The following DLC1 variants were observed in gnomAD, a reference collection of about 807,000 sequenced individuals.
DLC1 encodes DLC1 Rho GTPase activating protein, also known as rho GTPase-activating protein 7.
A neutral mutation model predicts 140.3 loss-of-function variants in DLC1; 54 were observed. That is an observed-to-expected ratio of 0.38 (90% CI 0.31 to 0.48). The LOEUF is 0.48. DLC1 is among the 20% of genes least tolerant of loss of function. The pLI is 0.96. For synonymous variants in DLC1, 986 were observed against 728.1 expected, an observed-to-expected ratio of 1.35 and a Z score of -5.70; for missense variants, 2,536 against 1,907.0, an observed-to-expected ratio of 1.33 and a Z score of -6.14.
intron 4 of DLC1, among the ~76,000 whole-genome samples, chr8:13,372,337 A>C (rs778223842): frequency 1.3e-5 from 2 of 152,194 alleles, no homozygotes; most frequent in Non-Finnish European, 2.9e-5. Context: ...TATAGAGAGA[A>C]TTGCAATCAA....
chr8:13,471,921 GGA>G (rs1800227366), intron 2 of DLC1, among the ~76,000 whole-genome samples: 1 of 152,186 alleles, frequency 6.6e-6, no homozygotes, highest in East Asian at 1.9e-4. Context: ...GAGCAGCCAT[GGA>G]GCTCTCCCAC....
At chr8:13,243,931 G>C (rs1018522841) in intron 5 of DLC1, among the ~76,000 whole-genome samples, 2 of 152,122 alleles carry the variant, frequency 1.3e-5, no homozygotes, top group African/African-American at 4.8e-5. Flanking sequence ...CTGGGGTTGT[G>C]TATCTGTGGA....
intron 5 of DLC1, among the ~76,000 whole-genome samples, chr8:13,239,424 G>A (rs1008296136): frequency 6.6e-6 from 1 of 152,098 alleles, no homozygotes; most frequent in South Asian, 2.1e-4. Context: ...CAAGGACCAG[G>A]CAGGTAGGCA....
chr8:13,261,069 A>G (rs990975353), intron 5 of DLC1, among the ~76,000 whole-genome samples: 1 of 152,378 alleles, frequency 6.6e-6, no homozygotes, highest in African/African-American at 2.4e-5. Context: ...GAATATGAAG[A>G]TGCACAATTA....
At chr8:13,474,805 C>A (rs898190507) in intron 2 of DLC1, among the ~76,000 whole-genome samples, 1 of 152,206 alleles carries the variant, frequency 6.6e-6, no homozygotes, top group Non-Finnish European at 1.5e-5. Flanking sequence ...TGGCCAATTT[C>A]TCCCATTTGG....
At chr8:13,540,830 A>C (rs939444138) in intron 1 of DLC1, among the ~76,000 whole-genome samples, 1 of 152,218 alleles carries the variant, frequency 6.6e-6, no homozygotes, top group Non-Finnish European at 1.5e-5. Context: ...CAGGATGGAC[A>C]TGGGTCACAG....
intron 5 of DLC1, among the ~76,000 whole-genome samples, chr8:13,140,993 G>A (rs1429502626): frequency 1.3e-5 from 2 of 152,070 alleles, no homozygotes; most frequent in East Asian, 1.9e-4. Context: ...GGTGGCTCAC[G>A]CCTGTAATCC....
chr8:13,240,990 G>C (rs1829521775), intron 5 of DLC1, among the ~76,000 whole-genome samples: 1 of 152,152 alleles, frequency 6.6e-6, no homozygotes, highest in African/African-American at 2.4e-5. Flanking sequence ...CCAAAGAAGG[G>C]GTTGAGAGAG....
chr8:13,567,719 G>A lies in DLC1; in HGVS notation c.-126+36818C>T, dbSNP rs77652817. ...CTTCATACCAAAGACTTTCTCACCC[G>A]TATTGGAGAAGCACATCAAGACTTT... On this transcript the variant is annotated intron_variant, in intron 1 of 1. Coordinates refer to the DLC1 transcript ENST00000631382. 2,707 of 1,551,840 alleles carry A rather than the reference G, an allele frequency of 1.7e-3. 46 individuals carry two copies. The African/African-American group carries it at 0.033, about 19-fold the overall frequency.
intron 5 of DLC1, among the ~76,000 whole-genome samples, chr8:13,140,794 G>A (rs746780548): frequency 8.5e-5 from 13 of 152,086 alleles, no homozygotes; most frequent in Admixed American, 1.3e-4. Flanking sequence ...CCAGAAAGGC[G>A]AAGACACAAA....
chr8:13,576,691 G>C (rs370155805), intron 1 of DLC1, among the ~76,000 whole-genome samples: 1 of 152,040 alleles, frequency 6.6e-6, no homozygotes, highest in African/African-American at 2.4e-5. Flanking sequence ...GAGCATTTGC[G>C]TGTCCTCAGT....
At chr8:13,189,226 A>G (rs1288312229) in intron 5 of DLC1, among the ~76,000 whole-genome samples, 1 of 152,160 alleles carries the variant, frequency 6.6e-6, no homozygotes, top group African/African-American at 2.4e-5. Flanking sequence ...AAGGTTATAT[A>G]CAGATTCATT....
At chr8:13,189,008 C>T (rs1030733554) in intron 5 of DLC1, among the ~76,000 whole-genome samples, 2 of 150,948 alleles carry the variant, frequency 1.3e-5, no homozygotes, top group African/African-American at 4.9e-5. Flanking sequence ...TATTTTTAAA[C>T]AAATAAAAAT....
rs115731627 is a variant in DLC1, at chr8:13,165,404, A to G, written c.1349-49747T>C. Reference sequence around the variant, plus strand: ...CACACGGAAAGGGTAGCTGGTAGGTAAATGACACGTGGACTGAGCAGCAAT... The same window carrying G: ...CACACGGAAAGGGTAGCTGGTAGGTGAATGACACGTGGACTGAGCAGCAAT... On this transcript the variant is annotated intron_variant, in intron 5 of 17. Transcript: ENST00000276297. Among the ~76,000 whole-genome samples the G allele has an allele frequency of 3.2e-3, 486 of 152,328 alleles. 4 individuals are homozygous for G. The highest frequency in any genetic ancestry group is 0.011 in the African/African-American group (462 of 41,580).
rs2017079 is a variant in DLC1 at position 13,114,256 on chromosome 8, G to A, written c.1420+1330C>T. Among the ~76,000 whole-genome samples, 5 of 152,348 alleles carry A rather than the reference G, an allele frequency of 3.3e-5. No homozygotes were observed. The East Asian group carries it at 9.6e-4, about 29-fold the overall frequency. On this transcript the variant is annotated intron_variant, in intron 6 of 17. Transcript: ENST00000276297. Reference sequence around the variant, plus strand: ...ACATGCCCATAATCCCAGCTACTCAGGAGGCTGAGGCAGGTGAATCGCTTG... The same window carrying A: ...ACATGCCCATAATCCCAGCTACTCAAGAGGCTGAGGCAGGTGAATCGCTTG...
chr8:13,562,012 G>A (rs904270474), intron 1 of DLC1, among the ~76,000 whole-genome samples: 3 of 152,118 alleles, frequency 2.0e-5, no homozygotes, highest in Non-Finnish European at 4.4e-5. Flanking sequence ...AAAGACAGGA[G>A]TTACGGGTAG....
At chr8:13,142,731 C>T (rs1035381493) in intron 5 of DLC1, among the ~76,000 whole-genome samples, 1 of 152,090 alleles carries the variant, frequency 6.6e-6, no homozygotes, top group Non-Finnish European at 1.5e-5. Context: ...CCATGTACCC[C>T]TAACAAAACC....
chr8:13,406,044 T>A (rs1666236328), intron 2 of DLC1, among the ~76,000 whole-genome samples: 1 of 147,228 alleles, frequency 6.8e-6, no homozygotes, highest in South Asian at 2.2e-4. Context: ...TCCAGCTCTG[T>A]CTCCCAGGCT....
Position 13,248,003 on chromosome 8 carries a change from C to T in DLC1, c.1348+57266G>A, listed in dbSNP as rs116737139. Among the ~76,000 whole-genome samples the T allele has an allele frequency of 8.9e-3, 1,362 of 152,286 alleles. 24 individuals are homozygous for T. Among genetic ancestry groups the T allele is most frequent in the African/African-American group, 0.031 (1,291 of 41,550 alleles). ...TTTACAGCTTGAAACCATGCATCGG[C>T]TGTCTACAATGTTTAGTTACAAAAC... On this transcript the variant is annotated intron_variant, in intron 5 of 17. Coordinates refer to ENST00000276297, the MANE Select transcript of DLC1 (RefSeq NM_182643.3).
Sources: allele counts gnomAD v4.1 joint callset (sites outside exome capture counted in the v4.1 genomes callset), GRCh38; gene constraint gnomAD v4.1.1; transcripts MANE v1.5; gene names NCBI Gene and HGNC (gene_info 2026-07-23, HGNC 2026-07-21).